The following EXOC2 variants were observed in gnomAD, a reference collection of about 807,000 sequenced individuals.
EXOC2 encodes exocyst complex component 2.
In EXOC2, 70 loss-of-function variants were observed where a neutral mutation model predicts 131.8. The ratio of observed to expected loss-of-function variants is 0.53; its 90% CI spans 0.44 to 0.65. The LOEUF is 0.65. Among genes scored for constraint, EXOC2 ranks in the 30% least tolerant of loss-of-function variants. The probability of loss-of-function intolerance (pLI) is 0.00; values close to 1 mark genes in which losing one functional copy is unlikely to be tolerated. For synonymous variants in EXOC2, 411 were observed against 398.4 expected, an observed-to-expected ratio of 1.03 and a Z score of -0.38; for missense variants, 923 against 1,108.6, an observed-to-expected ratio of 0.83 and a Z score of 2.38.
intron 10 of EXOC2, among the ~76,000 whole-genome samples, chr6:595,420 G>A (rs1759755463): frequency 6.6e-6 from 1 of 151,912 alleles, no homozygotes; most frequent in Admixed American, 6.6e-5. Context: ...CAATTGCTCA[G>A]TATTTTCTCA....
chr6:685,513 C>A (rs1431475547), intron 1 of EXOC2, among the ~76,000 whole-genome samples: 1 of 152,080 alleles, frequency 6.6e-6, no homozygotes, highest in African/African-American at 2.4e-5. Context: ...GATTTTCTTC[C>A]CCAGTTCTCT....
chr6:636,854 G>A (rs1210925893), intron 2 of EXOC2, among the ~76,000 whole-genome samples: 1 of 152,120 alleles, frequency 6.6e-6, no homozygotes, highest in Non-Finnish European at 1.5e-5. Context: ...CTCTACCCTG[G>A]CTGTCCCTAA....
At chr6:542,719 G>T (rs567180604) in intron 22 of EXOC2, among the ~76,000 whole-genome samples, 2 of 152,174 alleles carry the variant, frequency 1.3e-5, no homozygotes, top group Non-Finnish European at 2.9e-5. Flanking sequence ...ACAGAGCACC[G>T]TAGTAAGCTG....
rs1763666939 is a variant in EXOC2, at chr6:667,303, GA to G, written c.-44+25715del. 3.1e-5 allele frequency among the ~76,000 whole-genome samples: 3 copies of G among 97,226 alleles called. 1 individual carries two copies. Among genetic ancestry groups the G allele is most frequent in the African/African-American group, 6.1e-5 (2 of 32,676 alleles). 63.8% of individuals were successfully genotyped at this position (97,226 alleles called of 152,430 possible). A position where few individuals can be genotyped will look rare whatever the true frequency, so the allele number is the denominator to read the frequency against. ...ATTTCCTCAACTTTTGTTTATCTGA[GA>G]AAGTATTTCTCATTCGCTTCTGAAG... On this transcript the variant is annotated intron_variant, in intron 1 of 27. Transcript: ENST00000230449.
intron 23 of EXOC2, chr6:525,150 A>G (rs913624493): frequency 5.3e-5 from 8 of 152,242 alleles, no homozygotes; most frequent in Admixed American, 2.0e-4. Flanking sequence ...AATTCCTCTG[A>G]AGCTTGCACT....
At chr6:569,960 A>T (rs576234386) in intron 13 of EXOC2, among the ~76,000 whole-genome samples, 1 of 152,296 alleles carries the variant, frequency 6.6e-6, no homozygotes, top group East Asian at 1.9e-4. Flanking sequence ...TTTCACTAAA[A>T]TATCCTAGAT....
chr6:589,416 C>T (rs993310579), intron 11 of EXOC2, among the ~76,000 whole-genome samples: 2 of 152,056 alleles, frequency 1.3e-5, no homozygotes, highest in African/African-American at 2.4e-5. Context: ...CGTCTCAATG[C>T]CGATCCGGAG....
intron 22 of EXOC2, among the ~76,000 whole-genome samples, chr6:546,223 A>G (rs947203289): frequency 5.9e-5 from 9 of 152,158 alleles, no homozygotes; most frequent in African/African-American, 2.2e-4. Context: ...AGACATCTCC[A>G]GGACTTGAGC....
intron 1 of EXOC2, among the ~76,000 whole-genome samples, chr6:639,547 C>A (rs1052170942): frequency 1.3e-5 from 2 of 152,168 alleles, no homozygotes; most frequent in African/African-American, 2.4e-5. Flanking sequence ...CCACCCTGTC[C>A]ACACAACTGA....
At chr6:679,163 A>C (rs549367241) in intron 1 of EXOC2, 1 of 152,280 alleles carries the variant, frequency 6.6e-6, no homozygotes, top group East Asian at 1.9e-4. Flanking sequence ...TTAATAAATA[A>C]AAGATAAGAA....
intron 22 of EXOC2, among the ~76,000 whole-genome samples, chr6:536,070 G>T (rs1766425605): frequency 6.6e-6 from 1 of 152,066 alleles, no homozygotes; most frequent in South Asian, 2.1e-4. Context: ...TCTACAAAAT[G>T]GTACAAATAT....
At chr6:692,198 A>T (rs915797713) in intron 1 of EXOC2, among the ~76,000 whole-genome samples, 6 of 152,270 alleles carry the variant, frequency 3.9e-5, no homozygotes, top group Non-Finnish European at 8.8e-5. Context: ...TTACTCACAG[A>T]TTCATAAAGG....
At chr6:538,662 T>C (rs1175712268) in intron 22 of EXOC2, among the ~76,000 whole-genome samples, 1 of 152,080 alleles carries the variant, frequency 6.6e-6, no homozygotes, top group East Asian at 1.9e-4. Flanking sequence ...GTACAGACAG[T>C]CCCAACTTAT....
chr6:532,420 T>C (rs1327527758), intron 23 of EXOC2, 49 bp downstream of exon 23: 28 of 1,416,416 alleles, frequency 2.0e-5, no homozygotes, highest in African/African-American at 2.9e-5. Flanking sequence ...CAAGTATCAA[T>C]TGATAAAAGT....
chr6:606,087 A>G (rs865998025), intron 7 of EXOC2, among the ~76,000 whole-genome samples: 3 of 152,246 alleles, frequency 2.0e-5, no homozygotes, highest in African/African-American at 7.2e-5. Context: ...CTATGCAGCC[A>G]TAAAAAAGGA....
intron 17 of EXOC2, 93 bp from the exon 18 acceptor site, chr6:556,657 T>C: frequency 1.5e-6 from 2 of 1,323,036 alleles, no homozygotes; most frequent in Non-Finnish European, 2.1e-6. Context: ...AAGCCCCACA[T>C]TTTCCAGATT....
At chr6:551,299 T>A (rs1757131057) in intron 21 of EXOC2, among the ~76,000 whole-genome samples, 1 of 152,162 alleles carries the variant, frequency 6.6e-6, no homozygotes, top group Non-Finnish European at 1.5e-5. Flanking sequence ...CTAGATACCT[T>A]CCTTACCACA....
At chr6:576,558 C>G (rs1758588401) in intron 12 of EXOC2, among the ~76,000 whole-genome samples, 199 bp downstream of exon 12, 1 of 152,092 alleles carries the variant, frequency 6.6e-6, no homozygotes, top group African/African-American at 2.4e-5. Context: ...ACTTAAAAAT[C>G]AAATAGCATT....
At chr6:664,014 TATC>T (rs777850116) in intron 1 of EXOC2, among the ~76,000 whole-genome samples, 1 of 152,158 alleles carries the variant, frequency 6.6e-6, no homozygotes, top group Non-Finnish European at 1.5e-5. Context: ...CTGAAGATAT[TATC>T]GTTTACCTTG....
Sources: allele counts gnomAD v4.1 joint callset (sites outside exome capture counted in the v4.1 genomes callset), GRCh38; gene constraint gnomAD v4.1.1; transcripts MANE v1.5; gene names NCBI Gene and HGNC (gene_info 2026-07-23, HGNC 2026-07-21).